LARP1: variants seen among roughly 807,000 people sequenced by gnomAD.
LARP1 encodes the protein la-related protein 1.
In LARP1, 36 loss-of-function variants were observed where a neutral mutation model predicts 122.7. The ratio of observed to expected loss-of-function variants is 0.29; its 90% confidence interval spans 0.22 to 0.39. The LOEUF (loss-of-function observed/expected upper bound fraction) is 0.39, where lower values mean the gene tolerates loss of function less well. Ranked by LOEUF, LARP1 falls within the 10% of genes least tolerant of loss-of-function variation. LARP1 has a pLI of 1.00. For missense variants in LARP1, 1,040 were observed against 1,403.6 expected, an observed-to-expected ratio of 0.74 and a Z score of 4.14; for synonymous variants, 539 against 528.7, an observed-to-expected ratio of 1.02 and a Z score of -0.27.
Position 154,732,193 on chromosome 5 carries a change from A to C in LARP1, c.205+19063A>C, listed in dbSNP as rs562158809. 2.7e-3 allele frequency among the ~76,000 whole-genome samples: 270 copies of C among 101,146 alleles called. No individual in the cohort carries two copies. The East Asian group carries it at 0.03, about 11-fold the overall frequency. 66.4% of individuals were successfully genotyped at this position (101,146 alleles called of 152,430 possible). A position where few individuals can be genotyped will look rare whatever the true frequency, so the allele number is the denominator to read the frequency against. Reference sequence around the variant, plus strand: ...ACAAAACAAAACAAAACAAAACAAAAAAAAAAAAAAAAGAAAGGTGAATCT... The same window carrying C: ...ACAAAACAAAACAAAACAAAACAAACAAAAAAAAAAAAGAAAGGTGAATCT... On this transcript the variant is annotated intron_variant, in intron 1 of 18. Transcript: ENST00000336314.
In LARP1 at chr5:154,767,723, C is replaced by A. The variant is rs536789602; in HGVS notation, c.436+11530C>A. On this transcript the variant is annotated intron_variant, in intron 1 of 18. Transcript: ENST00000518297. The stretch of plus-strand genomic sequence containing the variant: ...AGAAGCAGAGCTCTCTCTGATTTTT[C>A]TGTTCTGTATATGTATTTCCTGTTC... Among the ~76,000 whole-genome samples, 3 of 152,266 alleles carry A rather than the reference C, an allele frequency of 2.0e-5. No individual in the cohort carries two copies. In the South Asian group the frequency reaches 6.2e-4, roughly 32 times the overall value.
Position 154,811,320 on chromosome 5 carries a change from G to T in LARP1, c.2917G>T (p.Asp973Tyr). Reference sequence around the variant, plus strand: ...GAAGTTCCGGCTGGACATATTCAAGGATTTTCAGGAGGAAACGGTGAAGGA... The same window carrying T: ...GAAGTTCCGGCTGGACATATTCAAGTATTTTCAGGAGGAAACGGTGAAGGA... ...EKKFRLDIFK[D>Y]FQEETVKDYE... The change falls in exon 17 of 19, where the codon GAT becomes TAT. Residue 973 changes from aspartate (D) to tyrosine (Y), a missense_variant. Physicochemically the swap from Asp to Tyr is radical, Grantham distance 160. Around this residue, in one of 8 missense-constraint regions of LARP1, gnomAD observed 129 missense variants for 160.8 expected, o/e 0.80. Coordinates refer to ENST00000518297, the MANE Select transcript of LARP1 (RefSeq NM_033551.3). 6.2e-7 allele frequency: 1 copy of T among 1,614,164 alleles called. No homozygotes were observed. Among genetic ancestry groups the T allele is most frequent in the Non-Finnish European group, 8.5e-7 (1 of 1,180,038 alleles).
Position 154,803,641 on chromosome 5 carries a change from A to G in LARP1, c.2335A>G (p.Asn779Asp), listed in dbSNP as rs1003319223. The G allele has an allele frequency of 1.2e-6, 2 of 1,614,114 alleles. No homozygotes were observed. Among genetic ancestry groups the G allele is most frequent in the Non-Finnish European group, 1.7e-6 (2 of 1,180,038 alleles). The change falls in exon 13 of 19, where the codon AAC becomes GAC. Residue 779 changes from asparagine to aspartate, a missense_variant. Transcript: ENST00000518297. This position sits in a 1 kb window ranked among gnomAD's most constrained non-coding sequence, Gnocchi z 4.4. ...TGTCCCAGAGTCACCAAACTACCGCAACACCAGGACCCCTCGCACTCCCCG... is the reference window on the plus strand; with the variant it reads ...TGTCCCAGAGTCACCAAACTACCGCGACACCAGGACCCCTCGCACTCCCCG... ...TTVPESPNYR[N>D]TRTPRTPRTP...
Position 154,705,198 on chromosome 5 carries a change from A to G in LARP1, c.-180+22161A>G, listed in dbSNP as rs528120979. Among the ~76,000 whole-genome samples the G allele has an allele frequency of 2.0e-5, 3 of 152,268 alleles. No individual in the cohort carries two copies. The East Asian group carries it at 5.8e-4, about 29-fold the overall frequency. On this transcript the variant is annotated intron_variant, in intron 1 of 18. Coordinates refer to the LARP1 transcript ENST00000687700. ...TACACACAGCCAACTAGCATATGAA[A>G]AAATGCTCAACATCACTAATCAGAG...
intron 1 of LARP1, among the ~76,000 whole-genome samples, chr5:154,765,012 A>C (rs932580967): frequency 1.3e-5 from 2 of 151,910 alleles, no homozygotes; most frequent in African/African-American, 4.8e-5. Flanking sequence ...TCTCATGTAG[A>C]TTTTTGCAGC....
exon 1 of LARP1, chr5:154,712,998 A>T (rs760150634): frequency 6.2e-7 from 1 of 1,614,146 alleles, no homozygotes; most frequent in Non-Finnish European, 8.5e-7. Context: ...AGAGGCTCCC[A>T]TACCTAGCTG....
chr5:154,765,762 G>T (rs1223983299), intron 1 of LARP1, among the ~76,000 whole-genome samples: 1 of 152,160 alleles, frequency 6.6e-6, no homozygotes, highest in Non-Finnish European at 1.5e-5. Flanking sequence ...TGTATTCCCA[G>T]TACCTGCAGC....
intron 1 of LARP1, among the ~76,000 whole-genome samples, chr5:154,701,706 C>T (rs776441977): frequency 1.3e-5 from 2 of 151,388 alleles, no homozygotes; most frequent in Non-Finnish European, 2.9e-5. Context: ...ACTGCAACCT[C>T]CGCCTCCCAG....
intron 8 of LARP1, among the ~76,000 whole-genome samples, chr5:154,797,931 C>CA (rs1582449146): frequency 6.6e-6 from 1 of 152,228 alleles, no homozygotes; most frequent in East Asian, 1.9e-4. Flanking sequence ...GCCATCCTCT[C>CA]ACTTCGGCTT....
At position 154,702,977 on chromosome 5, in the gene LARP1, C is replaced by T. The variant is rs185510509; in HGVS notation, c.-180+19940C>T. Among the ~76,000 whole-genome samples the T allele has an allele frequency of 6.7e-4, 102 of 151,980 alleles. 2 individuals carry two copies. In the East Asian group the frequency reaches 0.015, roughly 22 times the overall value. ...TACTATAAATACAAAAAAAATTAGC[C>T]GGGCGTGGTGGCGCGTGCCTGCAGT... is the stretch of plus-strand genomic sequence containing the variant. On this transcript the variant is annotated intron_variant, in intron 1 of 18. Transcript: ENST00000687700.
chr5:154,726,355 T>C (rs1217369112), intron 1 of LARP1, among the ~76,000 whole-genome samples: 1 of 152,204 alleles, frequency 6.6e-6, no homozygotes, highest in Non-Finnish European at 1.5e-5. Context: ...TATAATTTTT[T>C]CATATACAAT....
At chr5:154,743,146 A>G (rs1181079836) in intron 1 of LARP1, among the ~76,000 whole-genome samples, 4 of 152,176 alleles carry the variant, frequency 2.6e-5, no homozygotes, top group Non-Finnish European at 4.4e-5. Context: ...CTTGGTGTAT[A>G]TTAATTCATA....
intron 1 of LARP1, among the ~76,000 whole-genome samples, chr5:154,683,586 C>T (rs1753791063): frequency 6.6e-6 from 1 of 152,158 alleles, no homozygotes; most frequent in African/African-American, 2.4e-5. Flanking sequence ...TTCACCTAGG[C>T]CACTGAACTT....
intron 1 of LARP1, among the ~76,000 whole-genome samples, chr5:154,691,610 C>G (rs1019707808): frequency 6.6e-6 from 1 of 152,224 alleles, no homozygotes; most frequent in Admixed American, 6.5e-5. Flanking sequence ...CCCCACTGCC[C>G]TTCGGCATGA....
chr5:154,804,874 T>G, intron 14 of LARP1: 1 of 456,266 alleles, frequency 2.2e-6, no homozygotes, highest in Non-Finnish European at 4.4e-6. Context: ...TGGCACAGAC[T>G]GCAAATAGGC....
At position 154,816,244 on chromosome 5, in the gene LARP1, G is replaced by A. The variant is rs762389256; in HGVS notation, c.*2148G>A. 6.5e-6 allele frequency: 1 copy of A among 153,960 alleles called. No homozygotes were observed. The highest frequency in any genetic ancestry group is 1.4e-5 in the Non-Finnish European group (1 of 69,022). 9.5% of individuals were successfully genotyped at this position (153,960 alleles called of 1,614,324 possible). A position where few individuals can be genotyped will look rare whatever the true frequency, so the allele number is the denominator to read the frequency against. ...CCTGCCCCACATTGTACCGGACACT[G>A]GATTCCTGGACCCCCTTCTCCTTTC... On this transcript the variant is annotated 3_prime_UTR_variant, in exon 19 of 19. Coordinates refer to ENST00000518297, the MANE Select transcript of LARP1 (RefSeq NM_033551.3).
rs182094765 is a variant in LARP1, at chr5:154,716,830, C to T, written c.205+3700C>T. ...ATCCCAGCACTTTGCGGGGCTAAGGCAGGCAACTTGCTTGAATCCAGGAGT... is the reference window on the plus strand; with the variant it reads ...ATCCCAGCACTTTGCGGGGCTAAGGTAGGCAACTTGCTTGAATCCAGGAGT... On this transcript the variant is annotated intron_variant, in intron 1 of 18. Coordinates refer to the LARP1 transcript ENST00000336314. Among the ~76,000 whole-genome samples the T allele has an allele frequency of 3.9e-5, 6 of 152,276 alleles. No homozygotes were observed. The East Asian group carries it at 1.2e-3, about 29-fold the overall frequency.
chr5:154,755,152 G>A (rs1393797575), upstream of LARP1, among the ~76,000 whole-genome samples: 2 of 151,386 alleles, frequency 1.3e-5, no homozygotes, highest in Admixed American at 6.6e-5. Context: ...CCCGGGAGGT[G>A]CTCTGAGGAA....
intron 1 of LARP1, among the ~76,000 whole-genome samples, chr5:154,738,976 A>G (rs776085798): frequency 2.6e-5 from 4 of 152,154 alleles, no homozygotes; most frequent in Non-Finnish European, 5.9e-5. Flanking sequence ...AAAATAAAAA[A>G]TTGAGCTAAA....
Sources: gnomAD v4.1 joint callset for allele counts (sites outside exome capture counted in the v4.1 genomes callset) on GRCh38, gnomAD v4.1.1 for gene constraint, gnomAD v4.1.1 regional missense constraint, Gnocchi (gnomAD v3.1) non-coding constraint, MANE v1.5 for transcripts, NCBI Gene and HGNC (gene_info 2026-07-23, HGNC 2026-07-21) for gene names.